Variants in ANKRD44 observed in about 807,000 individuals in gnomAD.
ANKRD44 encodes serine/threonine-protein phosphatase 6 regulatory ankyrin repeat subunit B.
In ANKRD44, 35 loss-of-function variants were observed where a neutral mutation model predicts 116.0. The ratio of observed to expected loss-of-function variants is 0.30; its 90% CI spans 0.23 to 0.40. The LOEUF (loss-of-function observed/expected upper bound fraction) is 0.40, where lower values mean the gene tolerates loss of function less well. ANKRD44 is among the 10% of genes least tolerant of loss of function. The pLI, the probability that ANKRD44 is intolerant of heterozygous loss-of-function variation, is 1.00. For synonymous variants in ANKRD44, 435 were observed against 461.8 expected (o/e 0.94, Z 0.74); for missense variants, 1,014 against 1,242.6 (o/e 0.82, Z 2.77).
intron 16 of ANKRD44, among the ~76,000 whole-genome samples, chr2:197,034,045 A>G (rs927298116): frequency 6.9e-6 from 1 of 144,012 alleles, no homozygotes; most frequent in Non-Finnish European, 1.5e-5. Context: ...GAGGCATATG[A>G]GGGCTAGAGA....
In ANKRD44 at chr2:197,280,370, C is replaced by T. The variant is rs140973599; in HGVS notation, c.27+30208G>A. ...GCATTGCTGAGGTCGGGAAACTGCT[C>T]GTAACAAAAGCACAAAGGGTTTGCA... On this transcript the variant is annotated intron_variant, in intron 1 of 27. Coordinates refer to ENST00000282272, the MANE Select transcript of ANKRD44 (RefSeq NM_001195144.2). 1.7e-3 allele frequency among the ~76,000 whole-genome samples: 265 copies of T among 152,302 alleles called. 3 individuals carry two copies. Among genetic ancestry groups the T allele is most frequent in the African/African-American group, 6.2e-3 (256 of 41,562 alleles).
chr2:197,073,705 G>T (rs2077606830), intron 16 of ANKRD44, among the ~76,000 whole-genome samples: 1 of 152,180 alleles, frequency 6.6e-6, no homozygotes, highest in African/African-American at 2.4e-5. Flanking sequence ...ACTATGAGGG[G>T]TGGTAGAATT....
At chr2:196,993,058 CA>C (rs2075949895) in intron 27 of ANKRD44, among the ~76,000 whole-genome samples, 1 of 152,062 alleles carries the variant, frequency 6.6e-6, no homozygotes, top group Non-Finnish European at 1.5e-5. Context: ...TAATACAGAT[CA>C]GGGGAAGCTT....
At chr2:197,175,776 T>C (rs16862851) in intron 2 of ANKRD44, among the ~76,000 whole-genome samples, 43,795 of 152,038 alleles carry the variant, frequency 0.29, 7,095 homozygotes, top group African/African-American at 0.43. Flanking sequence ...TGAATGAATG[T>C]AACTGAGGTT....
chr2:197,031,811 T>A (rs1344841156), intron 16 of ANKRD44, among the ~76,000 whole-genome samples: 3 of 152,186 alleles, frequency 2.0e-5, no homozygotes, highest in Middle Eastern at 3.2e-3. Context: ...AATCTGGAAC[T>A]TAAATAATCT....
intron 16 of ANKRD44, among the ~76,000 whole-genome samples, chr2:197,028,207 A>C (rs893415953): frequency 1.3e-5 from 2 of 152,048 alleles, no homozygotes; most frequent in African/African-American, 4.8e-5. Flanking sequence ...CCTTTATCTT[A>C]CTTTGAAGCT....
At chr2:197,234,828 C>T (rs199784088) in intron 1 of ANKRD44, among the ~76,000 whole-genome samples, 1 of 152,190 alleles carries the variant, frequency 6.6e-6, no homozygotes, top group Admixed American at 6.5e-5. Flanking sequence ...CTTCCTGCCC[C>T]AGTTGCCTAA....
chr2:197,057,581 T>C (rs1186427271), intron 16 of ANKRD44, among the ~76,000 whole-genome samples: 1 of 152,248 alleles, frequency 6.6e-6, no homozygotes, highest in East Asian at 1.9e-4. Flanking sequence ...TGCTTCTACC[T>C]AAAATTTTCT....
intron 16 of ANKRD44, 108 bp from the exon 17 acceptor site, chr2:197,025,375 G>C (rs1261711603): frequency 1.3e-6 from 1 of 743,932 alleles, no homozygotes; most frequent in Non-Finnish European, 2.3e-6. Flanking sequence ...CAATTTATCA[G>C]TAATATAAAA....
intron 20 of ANKRD44, 114 bp from the exon 21 acceptor site, chr2:197,006,024 G>T: frequency 1.1e-6 from 1 of 911,818 alleles, no homozygotes; most frequent in Admixed American, 2.0e-5. Context: ...GGTCTTTAAG[G>T]AAGGCAGACT....
chr2:197,066,719 C>A (rs954636882), intron 16 of ANKRD44, among the ~76,000 whole-genome samples: 5 of 152,262 alleles, frequency 3.3e-5, no homozygotes, highest in South Asian at 2.1e-4. Context: ...AGGAATCCAA[C>A]TTACAAGGGA....
intron 8 of ANKRD44, among the ~76,000 whole-genome samples, chr2:197,117,160 G>A (rs1284782625): frequency 6.7e-6 from 1 of 150,194 alleles, no homozygotes. Flanking sequence ...GCCCCAGAAC[G>A]GAACACTTAA....
At chr2:197,068,688 CAT>C (rs1374270442) in intron 16 of ANKRD44, among the ~76,000 whole-genome samples, 1 of 152,142 alleles carries the variant, frequency 6.6e-6, no homozygotes, top group Non-Finnish European at 1.5e-5. Flanking sequence ...AGCCAACAGA[CAT>C]GTGAAAAAAT....
chr2:197,015,062 G>C (rs1215772772), intron 17 of ANKRD44: 3 of 239,524 alleles, frequency 1.3e-5, no homozygotes, highest in Non-Finnish European at 2.5e-5. Flanking sequence ...AGAACATTTT[G>C]AGAAATGGGG....
chr2:197,116,509 C>T (rs185515800), intron 8 of ANKRD44, among the ~76,000 whole-genome samples: 6 of 152,310 alleles, frequency 3.9e-5, no homozygotes, highest in East Asian at 3.9e-4. Flanking sequence ...CAACCTCAGA[C>T]GACAGTTCCT....
chr2:197,207,850 C>A (rs964623611), intron 1 of ANKRD44, among the ~76,000 whole-genome samples: 1 of 152,160 alleles, frequency 6.6e-6, no homozygotes, highest in Non-Finnish European at 1.5e-5. Flanking sequence ...AAGACACATA[C>A]GAGTTCTTAC....
In ANKRD44 at chr2:197,039,843, T is replaced by C. The variant is rs147896342; in HGVS notation, c.1651-14576A>G. Among the ~76,000 whole-genome samples, 1,223 of 152,148 alleles carry C rather than the reference T, an allele frequency of 8.0e-3. 8 individuals carry two copies. Among genetic ancestry groups the C allele is most frequent in the Non-Finnish European group, 0.014 (966 of 67,990 alleles). ...AGAGTAAGAAGGGTAAATAGGTTAT[T>C]GATAGATTCCCTATTGTTAAGATAA... On this transcript the variant is annotated intron_variant, in intron 16 of 27. Transcript: ENST00000282272.
At chr2:197,122,985 G>A (rs1302398233) in intron 6 of ANKRD44, among the ~76,000 whole-genome samples, 193 bp from the exon 7 acceptor site, 3 of 152,192 alleles carry the variant, frequency 2.0e-5, no homozygotes, top group African/African-American at 7.2e-5. Context: ...TAATGTAAAA[G>A]CTGTGGGGAG....
chr2:197,000,375 G>A (rs758683119), intron 23 of ANKRD44, 44 bp downstream of exon 23: 8 of 1,493,136 alleles, frequency 5.4e-6, no homozygotes, highest in Non-Finnish European at 7.5e-6. Context: ...AAAGCAGAGG[G>A]TAAGATTCAT....
Sources: allele counts gnomAD v4.1 joint callset (sites outside exome capture counted in the v4.1 genomes callset), GRCh38; gene constraint gnomAD v4.1.1; transcripts MANE v1.5; gene names NCBI Gene and HGNC (gene_info 2026-07-23, HGNC 2026-07-21).